Variants in PARVB observed in about 807,000 individuals in gnomAD.
The protein encoded by PARVB is parvin beta.
PARVB carries 46 observed loss-of-function variants against 47.0 expected under a neutral mutation model. That is an observed-to-expected ratio of 0.98 (90% confidence interval 0.77 to 1.25). The LOEUF is 1.25. Ranked by LOEUF, PARVB falls within the 50% of genes most tolerant of loss-of-function variation. The probability of loss-of-function intolerance (pLI) is 0.00; values close to 1 mark genes in which losing one functional copy is unlikely to be tolerated. For synonymous variants in PARVB, 196 were observed against 196.3 expected (o/e 1.00, Z 0.01); for missense variants, 473 against 471.6 (o/e 1.00, Z -0.03).
At chr22:44,066,596 G>A (rs373138188) in intron 1 of PARVB, among the ~76,000 whole-genome samples, 3 of 152,112 alleles carry the variant, frequency 2.0e-5, no homozygotes, top group South Asian at 2.1e-4. Flanking sequence ...GTAGGTGCAC[G>A]GCACACATCT....
At position 44,068,988 on chromosome 22, in the gene PARVB, C is replaced by T. The variant is rs1035073446; in HGVS notation, c.113-24940C>T. 5 of 732,874 alleles carry T rather than the reference C, an allele frequency of 6.8e-6. No homozygotes were observed. The highest frequency in any genetic ancestry group is 1.1e-5 in the Non-Finnish European group (5 of 444,640). The allele number at this position is 732,874 out of a possible 1,614,324, so 45.4% of individuals were successfully genotyped here. A position where few individuals can be genotyped will look rare whatever the true frequency, so the allele number is the denominator to read the frequency against. ...GGAAACACCCCGGTCCTTCCACAGCCTGACCCTCTGTGACCTTCCTCAAAG... is the reference window on the plus strand; with the variant it reads ...GGAAACACCCCGGTCCTTCCACAGCTTGACCCTCTGTGACCTTCCTCAAAG... On this transcript the variant is annotated intron_variant, in intron 1 of 12. Coordinates refer to ENST00000338758, the MANE Select transcript of PARVB (RefSeq NM_013327.5). This position sits in a 1 kb window ranked among gnomAD's most constrained non-coding sequence, Gnocchi z 4.1.
At chr22:44,059,677 T>G (rs1053669492) in intron 1 of PARVB, among the ~76,000 whole-genome samples, 14 of 152,170 alleles carry the variant, frequency 9.2e-5, no homozygotes, top group Non-Finnish European at 1.5e-4. Context: ...GAATGTTGGG[T>G]GTACATTCAG....
chr22:43,999,759 T>C, intron 2 of PARVB: 1 of 863,926 alleles, frequency 1.2e-6, no homozygotes, highest in East Asian at 2.8e-5. Flanking sequence ...TTTGGGAGGC[T>C]GAGGAGGGAG....
At chr22:44,066,778 T>TTTCTTCTCCTCCTCCTCATCCTCC (rs202143083) in intron 1 of PARVB, among the ~76,000 whole-genome samples, 1 of 118,722 alleles carries the variant, frequency 8.4e-6, no homozygotes, top group African/African-American at 3.2e-5. Context: ...CCCTTAATTA[T>TTTCTTCTCCTCCTCCTCATCCTCC]TTCTCCTCCT....
rs1034921709 is a variant in PARVB at position 44,089,269 on chromosome 22, A to T, written c.113-4659A>T. On this transcript the variant is annotated intron_variant, in intron 1 of 12. Coordinates refer to ENST00000338758, the MANE Select transcript of PARVB (RefSeq NM_013327.5). The surrounding 1 kb of genome is among the most constrained non-coding windows in gnomAD (Gnocchi z 4.0). ...GCTGCTGGGTTTCGTGTGGACAGAGACATTCATCTTAGAACAATGCAGACA... is the reference window on the plus strand; with the variant it reads ...GCTGCTGGGTTTCGTGTGGACAGAGTCATTCATCTTAGAACAATGCAGACA... The T allele has an allele frequency of 2.0e-5, 3 of 152,258 alleles. No homozygotes were observed. The highest frequency in any genetic ancestry group is 1.3e-4 in the Admixed American group (2 of 15,278). 9.4% of individuals were successfully genotyped at this position (152,258 alleles called of 1,614,324 possible).
chr22:44,091,274 CTT>C (rs3083368), intron 1 of PARVB, among the ~76,000 whole-genome samples: 3,876 of 90,680 alleles, frequency 0.043, 62 homozygotes, highest in Middle Eastern at 0.079. Flanking sequence ...AGAGGGCCTG[CTT>C]TTTTTTTTTT....
chr22:44,060,017 A>C (rs904673575), intron 1 of PARVB, among the ~76,000 whole-genome samples: 1 of 152,084 alleles, frequency 6.6e-6, no homozygotes, highest in African/African-American at 2.4e-5. Flanking sequence ...CTTTTGTATT[A>C]GAATTTCATG....
intron 1 of PARVB, among the ~76,000 whole-genome samples, chr22:44,030,170 C>T (rs1603425301): frequency 6.6e-6 from 1 of 152,202 alleles, no homozygotes; most frequent in Non-Finnish European, 1.5e-5. Context: ...GCACTGCCCC[C>T]GCCTTTCCCC....
chr22:44,103,700 C>G lies in PARVB; in HGVS notation c.273+3577C>G, dbSNP rs1336270089. 6.6e-6 allele frequency: 1 copy of G among 152,230 alleles called. No individual in the cohort carries two copies. The highest frequency in any genetic ancestry group is 1.5e-5 in the Non-Finnish European group (1 of 68,062). 9.4% of individuals were successfully genotyped at this position (152,230 alleles called of 1,614,324 possible). A position where few individuals can be genotyped will look rare whatever the true frequency, so the allele number is the denominator to read the frequency against. On this transcript the variant is annotated intron_variant, in intron 3 of 12. Transcript: ENST00000338758. The surrounding 1 kb of genome is among the most constrained non-coding windows in gnomAD (Gnocchi z 4.6). Reference sequence around the variant, plus strand: ...TTCGCTAGTGTCTGTATAAGAGGGACATGGGGAGCTTTGACTGCCCATGAA... The same window carrying G: ...TTCGCTAGTGTCTGTATAAGAGGGAGATGGGGAGCTTTGACTGCCCATGAA...
intron 9 of PARVB, 120 bp downstream of exon 9, chr22:44,148,042 T>A: frequency 1.3e-6 from 1 of 795,452 alleles, no homozygotes; most frequent in South Asian, 1.5e-5. Context: ...GTTTGCCACA[T>A]GGATTGAAAT....
chr22:44,069,816 A>G (rs971901043), intron 1 of PARVB, among the ~76,000 whole-genome samples: 5 of 152,182 alleles, frequency 3.3e-5, no homozygotes, highest in African/African-American at 4.8e-5. Flanking sequence ...GGCATGAGCC[A>G]CCGCGCCCGG....
intron 1 of PARVB, among the ~76,000 whole-genome samples, chr22:44,066,804 C>CCTCCTCATCCTCCTCCTCCTT (rs2051540643): frequency 7.6e-6 from 1 of 131,086 alleles, no homozygotes; most frequent in African/African-American, 3.0e-5. Context: ...TCCTCCTCCT[C>CCTCCTCATCCTCCTCCTCCTT]CTCCTCCTCC....
intron 2 of PARVB, among the ~76,000 whole-genome samples, chr22:44,094,225 T>A (rs2052242355): frequency 6.6e-6 from 1 of 152,238 alleles, no homozygotes; most frequent in Non-Finnish European, 1.5e-5. Context: ...TCTGCCCTAG[T>A]CTTAAAACGT....
At chr22:44,100,010 A>G in intron 2 of PARVB, 43 bp from the exon 3 acceptor site, 1 of 1,539,084 alleles carries the variant, frequency 6.5e-7, no homozygotes, top group Non-Finnish European at 9.0e-7. Flanking sequence ...TGTCCCTGCC[A>G]CCCCCACAAT....
At chr22:44,062,562 G>A (rs1348300410) in intron 1 of PARVB, among the ~76,000 whole-genome samples, 1 of 152,052 alleles carries the variant, frequency 6.6e-6, no homozygotes, top group African/African-American at 2.4e-5. Flanking sequence ...GCTTGAACCT[G>A]GGAGGTGGTG....
intron 2 of PARVB, among the ~76,000 whole-genome samples, chr22:44,099,386 G>T (rs1169625347): frequency 6.6e-6 from 1 of 152,204 alleles, no homozygotes; most frequent in Non-Finnish European, 1.5e-5. Flanking sequence ...TGTCTCCACG[G>T]CACTGTCCTC....
upstream of PARVB, among the ~76,000 whole-genome samples, chr22:44,022,443 G>A (rs1265198370): frequency 6.6e-6 from 1 of 152,034 alleles, no homozygotes; most frequent in East Asian, 1.9e-4. Context: ...ACGCTACACG[G>A]CCACTGTGTC....
chr22:44,139,698 G>A (rs8135839), intron 7 of PARVB: 33,399 of 175,762 alleles, frequency 0.19, 3,723 homozygotes, highest in Admixed American at 0.26. Flanking sequence ...TGATTGACCC[G>A]ATTCTGCCCC....
intron 1 of PARVB, among the ~76,000 whole-genome samples, chr22:44,047,331 A>G (rs1428944208): frequency 2.0e-5 from 3 of 152,114 alleles, no homozygotes; most frequent in African/African-American, 7.2e-5. Flanking sequence ...CAGCTGCATT[A>G]TTTTAAGCAA....
Sources: gnomAD v4.1 joint callset for allele counts (sites outside exome capture counted in the v4.1 genomes callset) on GRCh38, gnomAD v4.1.1 for gene constraint, Gnocchi (gnomAD v3.1) non-coding constraint, MANE v1.5 for transcripts, NCBI Gene and HGNC (gene_info 2026-07-23, HGNC 2026-07-21) for gene names.